SOX5: variants seen among roughly 807,000 people sequenced by gnomAD.
SOX5 encodes the protein SRY-box transcription factor 5.
A neutral mutation model predicts 92.0 loss-of-function variants in SOX5; 9 were observed. The observed-to-expected ratio is 0.10, with a 90% confidence interval of 0.06 to 0.17. The LOEUF is 0.17. Among genes scored for constraint, SOX5 ranks in the 10% least tolerant of loss-of-function variants. The pLI, the probability that SOX5 is intolerant of heterozygous loss-of-function variation, is 1.00. For synonymous variants in SOX5, 344 were observed against 336.3 expected (o/e 1.02, Z -0.25); for missense variants, 642 against 944.5 (o/e 0.68, Z 4.20).
At chr12:23,594,778 A>C (rs1952099702) in intron 9 of SOX5, among the ~76,000 whole-genome samples, 1 of 152,080 alleles carries the variant, frequency 6.6e-6, no homozygotes, top group Admixed American at 6.6e-5. Flanking sequence ...TGTTCACTGC[A>C]CTTTAGCTAC....
At chr12:24,201,359 A>G (rs1234577996) in intron 4 of SOX5, among the ~76,000 whole-genome samples, 1 of 151,154 alleles carries the variant, frequency 6.6e-6, no homozygotes, top group Non-Finnish European at 1.5e-5. Context: ...AAAAAAAAAA[A>G]TGCACCTGCA....
At chr12:24,241,442 C>T (rs1323970807) in intron 3 of SOX5, among the ~76,000 whole-genome samples, 1 of 152,162 alleles carries the variant, frequency 6.6e-6, no homozygotes, top group Admixed American at 6.6e-5. Context: ...CAGTCTTTCA[C>T]TCTTCCTGGC....
chr12:24,400,036 T>TA (rs1566072992), intron 1 of SOX5, among the ~76,000 whole-genome samples: 2 of 152,186 alleles, frequency 1.3e-5, no homozygotes, highest in African/African-American at 4.8e-5. Flanking sequence ...CATTAAAAGA[T>TA]AAAACATAAA....
At chr12:23,795,126 ATAGT>A (rs1340265714) in intron 3 of SOX5, among the ~76,000 whole-genome samples, 4 of 152,126 alleles carry the variant, frequency 2.6e-5, no homozygotes, top group African/African-American at 9.7e-5. Context: ...GACACCTAAC[ATAGT>A]TAGGATTTCA....
chr12:24,389,341 T>C (rs1338109539), intron 1 of SOX5, among the ~76,000 whole-genome samples: 1 of 152,248 alleles, frequency 6.6e-6, no homozygotes, highest in East Asian at 1.9e-4. Context: ...CACATTTTCT[T>C]AATCCAGTCT....
chr12:24,259,104 A>G (rs964084866), intron 3 of SOX5, among the ~76,000 whole-genome samples: 1 of 152,180 alleles, frequency 6.6e-6, no homozygotes, highest in Non-Finnish European at 1.5e-5. Context: ...GGTTGGTGCA[A>G]AAGTAATGCT....
At chr12:24,155,093 T>C (rs1952031862) in intron 4 of SOX5, among the ~76,000 whole-genome samples, 1 of 152,120 alleles carries the variant, frequency 6.6e-6, no homozygotes, top group South Asian at 2.1e-4. Flanking sequence ...CATCGTACGC[T>C]AAGCACAGCT....
chr12:24,198,345 G>T (rs1345288286), intron 4 of SOX5, among the ~76,000 whole-genome samples: 1 of 152,006 alleles, frequency 6.6e-6, no homozygotes, highest in African/African-American at 2.4e-5. Flanking sequence ...CAGATATTTG[G>T]GAAGTGATAC....
intron 11 of SOX5, among the ~76,000 whole-genome samples, chr12:23,546,828 G>A (rs1055987301): frequency 6.6e-6 from 1 of 152,174 alleles, no homozygotes; most frequent in African/African-American, 2.4e-5. Context: ...TCTTCCAATA[G>A]TCAGGTGACC....
chr12:23,638,702 C>G (rs2079604090), intron 8 of SOX5, among the ~76,000 whole-genome samples: 2 of 151,928 alleles, frequency 1.3e-5, no homozygotes, highest in Non-Finnish European at 2.9e-5. Flanking sequence ...CTGTGTAGCT[C>G]TGGGGAAGGC....
chr12:23,918,929 A>G (rs979340811), intron 1 of SOX5, among the ~76,000 whole-genome samples: 6 of 151,740 alleles, frequency 4.0e-5, no homozygotes, highest in Non-Finnish European at 8.8e-5. Context: ...AAAAAAGAAA[A>G]AAAAAGAAAG....
chr12:24,017,126 T>C (rs1002231562), intron 4 of SOX5, among the ~76,000 whole-genome samples: 5 of 152,212 alleles, frequency 3.3e-5, no homozygotes, highest in African/African-American at 4.8e-5. Flanking sequence ...CTTTAAACCG[T>C]CAATAATTGT....
intron 3 of SOX5, among the ~76,000 whole-genome samples, chr12:23,818,051 C>T (rs1270170113): frequency 1.3e-5 from 2 of 152,152 alleles, no homozygotes; most frequent in Non-Finnish European, 2.9e-5. Context: ...GTTGTTAAAA[C>T]ACGAATCATA....
At chr12:24,184,587 G>A (rs1955837499) in intron 4 of SOX5, among the ~76,000 whole-genome samples, 1 of 152,080 alleles carries the variant, frequency 6.6e-6, no homozygotes, top group South Asian at 2.1e-4. Context: ...AAATAACAAT[G>A]CTAATAACCT....
intron 1 of SOX5, among the ~76,000 whole-genome samples, chr12:24,508,494 G>C (rs1949010329): frequency 6.6e-6 from 1 of 152,236 alleles, no homozygotes; most frequent in African/African-American, 2.4e-5. Flanking sequence ...AAAGAAAATG[G>C]ATAAAGTCCA....
intron 1 of SOX5, among the ~76,000 whole-genome samples, chr12:23,946,321 C>T (rs749484353): frequency 4.6e-5 from 7 of 151,956 alleles, no homozygotes; most frequent in East Asian, 1.9e-4. Flanking sequence ...CTTAAGCAAT[C>T]GTCTTACACT....
intron 3 of SOX5, among the ~76,000 whole-genome samples, chr12:24,261,980 A>G (rs1942163919): frequency 6.6e-6 from 1 of 152,238 alleles, no homozygotes; most frequent in Non-Finnish European, 1.5e-5. Flanking sequence ...TATATTCCAT[A>G]AATGTTTATA....
intron 4 of SOX5, among the ~76,000 whole-genome samples, chr12:24,056,695 G>C (rs1592736488): frequency 6.6e-6 from 1 of 152,052 alleles, no homozygotes; most frequent in African/African-American, 2.4e-5. Flanking sequence ...AAAAATTCAG[G>C]CCGGGCGCGG....
intron 8 of SOX5, among the ~76,000 whole-genome samples, chr12:23,615,788 C>T (rs568600397): frequency 6.0e-4 from 91 of 152,084 alleles, no homozygotes; most frequent in African/African-American, 2.0e-3. Flanking sequence ...ATTTATATCC[C>T]GTAATGTATT....
Sources: gnomAD v4.1 joint callset for allele counts (sites outside exome capture counted in the v4.1 genomes callset) on GRCh38, gnomAD v4.1.1 for gene constraint, MANE v1.5 for transcripts, NCBI Gene and HGNC (gene_info 2026-07-23, HGNC 2026-07-21) for gene names.